CECR2: variants seen among roughly 807,000 people sequenced by gnomAD.
The protein encoded by CECR2 is CECR2 histone acetyl-lysine reader.
CECR2 carries 30 observed loss-of-function variants against 154.5 expected under a neutral mutation model. The observed-to-expected ratio is 0.19, with a 90% CI of 0.15 to 0.26. The LOEUF (loss-of-function observed/expected upper bound fraction) is 0.26, where lower values mean the gene tolerates loss of function less well. Among genes scored for constraint, CECR2 ranks in the 10% least tolerant of loss-of-function variants. CECR2 has a pLI of 1.00. For synonymous variants in CECR2, 725 were observed against 683.7 expected (o/e 1.06, Z -0.94); for missense variants, 1,743 against 1,829.3 (o/e 0.95, Z 0.86).
At chr22:17,538,395 C>T (rs1447442608) in intron 10 of CECR2, 125 bp from the exon 11 acceptor site, 1 of 857,260 alleles carries the variant, frequency 1.2e-6, no homozygotes, top group African/African-American at 1.7e-5. Context: ...ACAGGCTCAT[C>T]TAAACCACAC....
chr22:17,512,873 A>T (rs2055984785), intron 8 of CECR2, among the ~76,000 whole-genome samples: 1 of 152,096 alleles, frequency 6.6e-6, no homozygotes, highest in African/African-American at 2.4e-5. Flanking sequence ...AGGTGTCAAG[A>T]CCTCGCCATG....
rs1160122170 is a variant in CECR2 at position 17,555,866 on chromosome 22, C to A, written c.*3026C>A. 6.6e-6 allele frequency: 1 copy of A among 152,066 alleles called. No homozygotes were observed. The highest frequency in any genetic ancestry group is 1.5e-5 in the Non-Finnish European group (1 of 68,026). 9.4% of individuals were successfully genotyped at this position (152,066 alleles called of 1,614,324 possible). ...GAGAATGGGAAATACCATTGCATCT[C>A]TTTGATTTAACACTCATGGCTCACC... On this transcript the variant is annotated 3_prime_UTR_variant, in exon 19 of 19. Transcript: ENST00000262608.
chr22:17,455,533 T>G (rs1229630462), intron 1 of CECR2, among the ~76,000 whole-genome samples: 1 of 152,238 alleles, frequency 6.6e-6, no homozygotes, highest in East Asian at 1.9e-4. Context: ...TTATAATGTC[T>G]TTCTTGCATA....
Position 17,554,510 on chromosome 22 carries a change from G to C in CECR2, c.*1670G>C, listed in dbSNP as rs533463360. The C allele has an allele frequency of 6.6e-5, 10 of 152,280 alleles. No homozygotes were observed. The East Asian group carries it at 1.5e-3, about 24-fold the overall frequency. 9.4% of individuals were successfully genotyped at this position (152,280 alleles called of 1,614,324 possible). ...GCTAATCGGAAGCATCCATGATACA[G>C]AGAAATGAAAGCCAAGACACCAGTT... On this transcript the variant is annotated 3_prime_UTR_variant, in exon 19 of 19. Transcript: ENST00000262608.
At chr22:17,463,168 C>G (rs1237893065) in intron 1 of CECR2, among the ~76,000 whole-genome samples, 1 of 152,172 alleles carries the variant, frequency 6.6e-6, no homozygotes, top group Non-Finnish European at 1.5e-5. Context: ...GCCGGGAGTG[C>G]TGAGTGTATC....
At chr22:17,437,319 G>C (rs1274799460) in intron 1 of CECR2, among the ~76,000 whole-genome samples, 3 of 152,040 alleles carry the variant, frequency 2.0e-5, no homozygotes, top group African/African-American at 4.8e-5. Flanking sequence ...TCGGGAGGGG[G>C]GCCCTGGGGA....
At chr22:17,400,985 T>C (rs148126467) in intron 1 of CECR2, among the ~76,000 whole-genome samples, 218 of 152,308 alleles carry the variant, frequency 1.4e-3, no homozygotes, top group African/African-American at 5.0e-3. Flanking sequence ...CAGACTGGTC[T>C]TGAACTCCTG....
chr22:17,413,539 G>A (rs933877275), intron 1 of CECR2, among the ~76,000 whole-genome samples: 21 of 152,208 alleles, frequency 1.4e-4, no homozygotes, highest in Admixed American at 1.1e-3. Context: ...CTTCACTGCA[G>A]GACTCTACCT....
chr22:17,402,236 C>T (rs1049236833), intron 1 of CECR2, among the ~76,000 whole-genome samples: 16 of 152,186 alleles, frequency 1.1e-4, no homozygotes, highest in Non-Finnish European at 8.8e-5. Context: ...TCACCTGCCT[C>T]GGCCTCCCAA....
chr22:17,472,634 A>C (rs1042069947), intron 1 of CECR2, among the ~76,000 whole-genome samples: 6 of 152,240 alleles, frequency 3.9e-5, no homozygotes, highest in Non-Finnish European at 7.3e-5. Context: ...ACCGAATGGC[A>C]GTAGTACAGA....
chr22:17,530,288 C>T (rs777582334), intron 9 of CECR2, among the ~76,000 whole-genome samples: 34 of 151,018 alleles, frequency 2.3e-4, no homozygotes, highest in Admixed American at 1.9e-3. Context: ...TGCAGTGGTG[C>T]CGCGCCCGGC....
chr22:17,490,940 A>G (rs2055518354), intron 2 of CECR2, among the ~76,000 whole-genome samples: 1 of 152,032 alleles, frequency 6.6e-6, no homozygotes, highest in Admixed American at 6.6e-5. Flanking sequence ...CACAGGTTTG[A>G]GTGTTGTAGG....
intron 2 of CECR2, among the ~76,000 whole-genome samples, chr22:17,478,516 C>T (rs561626495): frequency 6.6e-5 from 10 of 152,058 alleles, no homozygotes; most frequent in East Asian, 3.9e-4. Flanking sequence ...CCACCACGCC[C>T]GGCTAATTTT....
At chr22:17,477,167 A>G in intron 1 of CECR2, 1 of 720,676 alleles carries the variant, frequency 1.4e-6, no homozygotes, top group Admixed American at 2.0e-5. Flanking sequence ...AAGGTTGAGT[A>G]AATGACAAAT....
At chr22:17,433,658 G>A (rs1048277208) in intron 1 of CECR2, among the ~76,000 whole-genome samples, 8 of 152,028 alleles carry the variant, frequency 5.3e-5, no homozygotes, top group African/African-American at 1.9e-4. Flanking sequence ...GTTCCCCAGG[G>A]GTGGTCTTGA....
At chr22:17,506,382 C>T (rs1405773103) in intron 7 of CECR2, among the ~76,000 whole-genome samples, 2 of 151,964 alleles carry the variant, frequency 1.3e-5, no homozygotes, top group East Asian at 3.9e-4. Flanking sequence ...CTGTCTTGGC[C>T]TCCCAAAGTG....
intron 1 of CECR2, among the ~76,000 whole-genome samples, chr22:17,380,663 A>G (rs1471475799): frequency 1.3e-5 from 2 of 152,188 alleles, no homozygotes; most frequent in African/African-American, 4.8e-5. Flanking sequence ...CACCTCCAAA[A>G]GTAAGTGATG....
chr22:17,397,031 T>A (rs1480957636), intron 1 of CECR2, among the ~76,000 whole-genome samples: 1 of 152,112 alleles, frequency 6.6e-6, no homozygotes, highest in Non-Finnish European at 1.5e-5. Context: ...AGTTAGTGGG[T>A]GGGACCTGCA....
chr22:17,541,776 G>A, intron 14 of CECR2, 63 bp from the exon 15 acceptor site: 2 of 1,536,496 alleles, frequency 1.3e-6, no homozygotes, highest in African/African-American at 2.8e-5. Context: ...GAAAACCCTT[G>A]TTGTCAACCT....
Sources: gnomAD v4.1 joint callset for allele counts (sites outside exome capture counted in the v4.1 genomes callset) on GRCh38, gnomAD v4.1.1 for gene constraint, MANE v1.5 for transcripts, NCBI Gene and HGNC (gene_info 2026-07-23, HGNC 2026-07-21) for gene names.